Variants in PLPP4 observed in about 807,000 individuals in gnomAD.
PLPP4 encodes the protein phospholipid phosphatase 4, also known as diacylglycerol pyrophosphate like 2.
In PLPP4, 20 loss-of-function variants were observed where a neutral mutation model predicts 32.2. The observed-to-expected ratio is 0.62, with a 90% CI of 0.44 to 0.90. PLPP4 has a LOEUF of 0.90. Ranked by LOEUF, PLPP4 falls within the 40% of genes least tolerant of loss-of-function variation. PLPP4 has a pLI of 0.00. For missense variants in PLPP4, 257 were observed against 353.1 expected (o/e 0.73, Z 2.18); for synonymous variants, 127 against 133.0 (o/e 0.95, Z 0.31).
chr10:120,539,178 C>A (rs553122108), intron 5 of PLPP4, among the ~76,000 whole-genome samples: 102 of 152,316 alleles, frequency 6.7e-4, no homozygotes, highest in African/African-American at 2.2e-3. Flanking sequence ...GCTGCCAGAA[C>A]CCATGCTGCC....
At chr10:120,528,080 T>TG (rs1001068663) in intron 5 of PLPP4, among the ~76,000 whole-genome samples, 3 of 141,366 alleles carry the variant, frequency 2.1e-5, no homozygotes, top group Admixed American at 1.4e-4. Context: ...TTTTTTTTTT[T>TG]TTTTTTTTTT....
intron 5 of PLPP4, among the ~76,000 whole-genome samples, chr10:120,563,601 CCATCCTGG>C (rs1848536240): frequency 6.7e-6 from 1 of 149,780 alleles, no homozygotes; most frequent in East Asian, 2.0e-4. Flanking sequence ...GAGATCGAGA[CCATCCTGG>C]CTAACAAGGT....
chr10:120,559,476 T>C (rs1303204092), intron 5 of PLPP4, among the ~76,000 whole-genome samples: 3 of 152,196 alleles, frequency 2.0e-5, no homozygotes, highest in African/African-American at 7.2e-5. Flanking sequence ...AAAAGAACTT[T>C]ACATTCCTAC....
chr10:120,550,693 A>C (rs1222128507), intron 5 of PLPP4, among the ~76,000 whole-genome samples: 2 of 151,956 alleles, frequency 1.3e-5, no homozygotes, highest in African/African-American at 4.8e-5. Context: ...GAAATTCTGA[A>C]TAAAAGTGTG....
In PLPP4 at chr10:120,574,168, A is replaced by T. The variant is rs11199415; in HGVS notation, c.446-963A>T. Reference sequence around the variant, plus strand: ...CACACACACACACACACACACACACACTCTCTCTCTCTCTCTCTCTCTCTC... The same window carrying T: ...CACACACACACACACACACACACACTCTCTCTCTCTCTCTCTCTCTCTCTC... On this transcript the variant is annotated intron_variant, in intron 5 of 6. Coordinates refer to ENST00000398250, the MANE Select transcript of PLPP4 (RefSeq NM_001030059.3). Among the ~76,000 whole-genome samples, 167 of 47,068 alleles carry T rather than the reference A, an allele frequency of 3.5e-3. 2 individuals carry two copies. Among genetic ancestry groups the T allele is most frequent in the South Asian group, 6.7e-3 (7 of 1,052 alleles). 30.9% of individuals were successfully genotyped at this position (47,068 alleles called of 152,430 possible).
At position 120,459,785 on chromosome 10, in the gene PLPP4, T is replaced by A. The variant is rs1228306868; in HGVS notation, c.56+2424T>A. ...CTTATGCCCCCGGAGAAACATCACCTGTAGATGTGCCTGTTCTCTGACTAC... is the reference window on the plus strand; with the variant it reads ...CTTATGCCCCCGGAGAAACATCACCAGTAGATGTGCCTGTTCTCTGACTAC... On this transcript the variant is annotated intron_variant, in intron 1 of 6. Coordinates refer to ENST00000398250, the MANE Select transcript of PLPP4 (RefSeq NM_001030059.3). 4.6e-5 allele frequency among the ~76,000 whole-genome samples: 7 copies of A among 152,180 alleles called. 1 individual carries two copies.
chr10:120,541,756 G>A (rs1185868055), intron 5 of PLPP4, among the ~76,000 whole-genome samples: 1 of 148,258 alleles, frequency 6.7e-6, no homozygotes, highest in African/African-American at 2.5e-5. Context: ...CATTCAAGAA[G>A]CATGAAGTGC....
rs184417037 is a variant in PLPP4 at position 120,584,879 on chromosome 10, A to T, written c.617-4424A>T. On this transcript the variant is annotated intron_variant, in intron 6 of 6. Coordinates refer to ENST00000398250, the MANE Select transcript of PLPP4 (RefSeq NM_001030059.3). The stretch of plus-strand genomic sequence containing the variant: ...GCACCTGTGATATCACTTTTCACTC[A>T]TTCCATTAAATGGGAAACAGAATTG... Among the ~76,000 whole-genome samples, 3 of 152,310 alleles carry T rather than the reference A, an allele frequency of 2.0e-5. No homozygotes were observed. In the East Asian group the frequency reaches 5.8e-4, roughly 29 times the overall value.
intron 1 of PLPP4, among the ~76,000 whole-genome samples, chr10:120,491,278 G>A (rs1844709035): frequency 6.6e-6 from 1 of 152,166 alleles, no homozygotes; most frequent in South Asian, 2.1e-4. Flanking sequence ...CCACTGTGAT[G>A]TTCACTTTCG....
intron 1 of PLPP4, among the ~76,000 whole-genome samples, chr10:120,499,708 C>G (rs1845150251): frequency 6.6e-6 from 1 of 152,170 alleles, no homozygotes; most frequent in Admixed American, 6.5e-5. Context: ...CCTGCTGTCT[C>G]TGTATCTGCA....
chr10:120,457,499 G>A (rs1321807486), intron 1 of PLPP4, 138 bp downstream of exon 1: 2 of 660,662 alleles, frequency 3.0e-6, no homozygotes, highest in South Asian at 2.3e-5. Flanking sequence ...CCAAGTGCCC[G>A]CAACGTGTCC....
intron 6 of PLPP4, among the ~76,000 whole-genome samples, chr10:120,576,389 A>C (rs1394722865): frequency 6.6e-6 from 1 of 151,706 alleles, no homozygotes; most frequent in East Asian, 1.9e-4. Flanking sequence ...CCCTCTTCCT[A>C]CCTTTTCCGG....
chr10:120,503,938 G>C lies in PLPP4; in HGVS notation c.165+12G>C. 6.6e-7 allele frequency: 1 copy of C among 1,526,046 alleles called. No individual in the cohort carries two copies. The highest frequency in any genetic ancestry group is 9.1e-7 in the Non-Finnish European group (1 of 1,100,946). 94.5% of individuals were successfully genotyped at this position (1,526,046 alleles called of 1,614,324 possible). A position where few individuals can be genotyped will look rare whatever the true frequency, so the allele number is the denominator to read the frequency against. Reference sequence around the variant, plus strand: ...CCCGCCTCATGTTTGTAAGTACCATGATTTCATTCCTTATTTGACTGCTCT... The same window carrying C: ...CCCGCCTCATGTTTGTAAGTACCATCATTTCATTCCTTATTTGACTGCTCT... On this transcript the variant is annotated intron_variant, in intron 2 of 6. Coordinates refer to ENST00000398250, the MANE Select transcript of PLPP4 (RefSeq NM_001030059.3).
chr10:120,538,040 C>G (rs867001022), intron 5 of PLPP4, among the ~76,000 whole-genome samples: 6,009 of 45,404 alleles, frequency 0.13, 1,599 homozygotes, highest in Non-Finnish European at 0.19. Flanking sequence ...CTCTCTCTCT[C>G]TCTCTCTCTC....
intron 1 of PLPP4, among the ~76,000 whole-genome samples, chr10:120,473,315 T>C (rs77229343): frequency 3.3e-5 from 5 of 152,284 alleles, no homozygotes; most frequent in Admixed American, 2.0e-4. Flanking sequence ...GTTTTTTTTT[T>C]CCAAGATTGT....
At position 120,457,329 on chromosome 10, in the gene PLPP4, CG is replaced by C; in HGVS notation, c.28del (p.Val10CysfsTer60). 6.5e-7 allele frequency: 1 copy of C among 1,534,572 alleles called. No individual in the cohort carries two copies. Among genetic ancestry groups the C allele is most frequent in the East Asian group, 2.6e-5 (1 of 39,010 alleles). On this transcript the variant is annotated frameshift_variant, in exon 1 of 7. Coordinates refer to ENST00000398250, the MANE Select transcript of PLPP4 (RefSeq NM_001030059.3). LOFTEE classifies it high-confidence loss of function. ...CCATGCGGGAGCTGGCCATTGAGAT[CG>C]GGGTGCGAGCCCTGCTCTTCGGAGT... MRELAIEI[G>X]VRALLFGVFV...
intron 5 of PLPP4, among the ~76,000 whole-genome samples, chr10:120,574,901 A>G (rs1427215103): frequency 6.6e-6 from 1 of 152,208 alleles, no homozygotes; most frequent in Non-Finnish European, 1.5e-5. Context: ...GAATGAATGG[A>G]TGAAATAAAA....
chr10:120,553,392 C>T (rs1309092446), intron 5 of PLPP4, among the ~76,000 whole-genome samples: 2 of 152,182 alleles, frequency 1.3e-5, no homozygotes, highest in African/African-American at 4.8e-5. Flanking sequence ...AGCTCTCTTG[C>T]CCCTTCCACC....
At chr10:120,457,685 C>G (rs1847854223) in intron 1 of PLPP4, among the ~76,000 whole-genome samples, 1 of 152,202 alleles carries the variant, frequency 6.6e-6, no homozygotes, top group Non-Finnish European at 1.5e-5. Flanking sequence ...GACGCGCACC[C>G]TGGCCCGTGC....
Sources: gnomAD v4.1 joint callset for allele counts (sites outside exome capture counted in the v4.1 genomes callset) on GRCh38, gnomAD v4.1.1 for gene constraint, MANE v1.5 for transcripts, NCBI Gene and HGNC (gene_info 2026-07-23, HGNC 2026-07-21) for gene names.